The following FBRS variants were observed in gnomAD, a reference collection of about 807,000 sequenced individuals.
The protein encoded by FBRS is probable fibrosin-1.
A neutral mutation model predicts 86.1 loss-of-function variants in FBRS; 15 were observed. The ratio of observed to expected loss-of-function variants is 0.17; its 90% CI spans 0.12 to 0.27. The LOEUF (loss-of-function observed/expected upper bound fraction) is 0.27, where lower values mean the gene tolerates loss of function less well. Ranked by LOEUF, FBRS falls within the 10% of genes least tolerant of loss-of-function variation. The probability of loss-of-function intolerance (pLI) is 1.00; values close to 1 mark genes in which losing one functional copy is unlikely to be tolerated. For missense variants in FBRS, 1,367 were observed against 1,301.6 expected (o/e 1.05, Z -0.77); for synonymous variants, 666 against 575.8 (o/e 1.16, Z -2.24).
At chr16:30,664,650 T>C in intron 7 of FBRS, 65 bp from the exon 8 acceptor site, 1 of 1,451,778 alleles carries the variant, frequency 6.9e-7, no homozygotes, top group Non-Finnish European at 9.1e-7. Flanking sequence ...GGGAAGGCAG[T>C]CACCTGGGCC....
chr16:30,661,268 C>T (rs987751577), intron 3 of FBRS, 36 bp from the exon 4 acceptor site: 11 of 1,550,744 alleles, frequency 7.1e-6, no homozygotes, highest in Non-Finnish European at 8.7e-6. Flanking sequence ...TGGGCCTCTT[C>T]CCTCTCGTGA....
Position 30,664,775 on chromosome 16 carries a change from A to G in FBRS, c.1418A>G (p.Glu473Gly), listed in dbSNP as rs1479687498. The G allele has an allele frequency of 6.4e-7, 1 of 1,552,646 alleles. No homozygotes were observed. Among genetic ancestry groups the G allele is most frequent in the Non-Finnish European group, 8.7e-7 (1 of 1,147,634 alleles). ...SRYLNAQGGP[E>G]VVGAGGSARP... ...TACCTGAATGCCCAGGGTGGCCCTG[A>G]GGTGGTGGGGGCAGGGGGCTCGGCC... Residue 473 changes from glutamate to glycine, a missense_variant, in exon 8 of 18, where the codon GAG (glutamate) becomes GGG (glycine). By Grantham distance (98) the Glu-to-Gly change is moderately conservative. Around this residue, in one of 3 missense-constraint regions of FBRS, gnomAD observed 702 missense variants for 598.7 expected, o/e 1.17. Transcript: ENST00000356166.
Position 30,665,338 on chromosome 16 carries a change from G to T in FBRS, c.1641G>T (p.Gly547=), listed in dbSNP as rs1318485507. 2.6e-6 allele frequency: 4 copies of T among 1,566,178 alleles called. No homozygotes were observed. The highest frequency in any genetic ancestry group is 3.5e-6 in the Non-Finnish European group (4 of 1,156,464). ...CGGCCTTCCCTCCCGCAGTGCCCGG[G>T]CTGCCTCCGGGCCTCCCGCCGGCCG... The part of the protein sequence containing the change: ...PYTAFPPAVP[G]LPPGLPPAVS... The change falls in exon 10 of 18, where the codon GGG becomes GGT. Residue 547 remains glycine (G), a synonymous_variant. Transcript: ENST00000356166. The surrounding 1 kb of genome is among the most constrained non-coding windows in gnomAD (Gnocchi z 4.1).
At chr16:30,664,169 C>G in intron 6 of FBRS, 46 bp from the exon 7 acceptor site, 2 of 1,290,906 alleles carry the variant, frequency 1.5e-6, no homozygotes, top group East Asian at 6.2e-5. Flanking sequence ...CCCGTCAGAG[C>G]TGGCACCTCC....
At position 30,658,686 on chromosome 16, in the gene FBRS, G is replaced by T. The variant is rs2052414527; in HGVS notation, c.-833G>T. The T allele has an allele frequency of 1.3e-5, 2 of 152,326 alleles. No individual in the cohort carries two copies. Among genetic ancestry groups the T allele is most frequent in the Non-Finnish European group, 2.9e-5 (2 of 68,110 alleles). 9.4% of individuals were successfully genotyped at this position (152,326 alleles called of 1,614,324 possible). A position where few individuals can be genotyped will look rare whatever the true frequency, so the allele number is the denominator to read the frequency against. ...TCACATCCGGGGCTTTGGAGGGCTG[G>T]CCTCGCTGCCCCGCCCCGCCTCGCG... On this transcript the variant is annotated 5_prime_UTR_variant, in exon 1 of 18. Transcript: ENST00000356166.
chr16:30,660,497 TTTCA>T, intron 2 of FBRS, 55 bp downstream of exon 2: 1 of 1,256,084 alleles, frequency 8.0e-7, no homozygotes. Flanking sequence ...CAGCCCCGTT[TTTCA>T]TCAGCAACGC....
chr16:30,662,971 A>C, intron 6 of FBRS, 112 bp downstream of exon 6: 3 of 1,322,458 alleles, frequency 2.3e-6, no homozygotes, highest in Non-Finnish European at 2.9e-6. Flanking sequence ...TGAGACTGAA[A>C]AGTTTGAGAA....
chr16:30,670,225 A>G lies in FBRS; in HGVS notation c.*580A>G, dbSNP rs184273077. The G allele has an allele frequency of 3.6e-3, 1,632 of 457,712 alleles. 10 individuals carry two copies. Among genetic ancestry groups the G allele is most frequent in the African/African-American group, 0.018 (913 of 50,122 alleles). 28.4% of individuals were successfully genotyped at this position (457,712 alleles called of 1,614,324 possible). On this transcript the variant is annotated 3_prime_UTR_variant, in exon 18 of 18. Transcript: ENST00000356166. ...CCTAGCCTCTGGCCTCTCTGTGGGG[A>G]AAGGGGACTGCAGGGGGAAGAGCCG... is the stretch of plus-strand genomic sequence containing the variant.
At chr16:30,660,776 A>T (rs67128646) in intron 2 of FBRS, among the ~76,000 whole-genome samples, 1 of 151,944 alleles carries the variant, frequency 6.6e-6, no homozygotes, top group African/African-American at 2.4e-5. Flanking sequence ...GCAAGCAAAC[A>T]CCTAGACCTT....
chr16:30,660,612 C>T, intron 2 of FBRS, 170 bp downstream of exon 2: 2 of 1,095,976 alleles, frequency 1.8e-6, no homozygotes, highest in Non-Finnish European at 2.4e-6. Context: ...GGCCTGTCTA[C>T]AGTCAGGTGC....
rs2052416315 is a variant in FBRS, at chr16:30,658,810, C to T, written c.-709C>T. 1 of 152,090 alleles carries T rather than the reference C, an allele frequency of 6.6e-6. No individual in the cohort carries two copies. Among genetic ancestry groups the T allele is most frequent in the South Asian group, 2.1e-4 (1 of 4,828 alleles). 9.4% of individuals were successfully genotyped at this position (152,090 alleles called of 1,614,324 possible). A position where few individuals can be genotyped will look rare whatever the true frequency, so the allele number is the denominator to read the frequency against. On this transcript the variant is annotated 5_prime_UTR_variant, in exon 1 of 18. Transcript: ENST00000356166. ...GGTGGCCACTGAACTCGGCGGACTGCAACGCCAGCCTTAAAGGGGAAGCCG... is the reference window on the plus strand; with the variant it reads ...GGTGGCCACTGAACTCGGCGGACTGTAACGCCAGCCTTAAAGGGGAAGCCG...
chr16:30,668,156 T>G, intron 15 of FBRS: 1 of 211,260 alleles, frequency 4.7e-6, no homozygotes, highest in South Asian at 1.4e-4. Context: ...GCCAACAAGG[T>G]CTTCAGGCTT....
chr16:30,661,437 A>G, intron 4 of FBRS, 104 bp downstream of exon 4: 1 of 1,524,640 alleles, frequency 6.6e-7, no homozygotes, highest in Non-Finnish European at 8.9e-7. Flanking sequence ...TGAGTGAGAA[A>G]CATGGCTTAG....
At chr16:30,667,689 C>A in intron 15 of FBRS, 67 bp downstream of exon 15, 1 of 1,365,314 alleles carries the variant, frequency 7.3e-7, no homozygotes, top group Non-Finnish European at 9.8e-7. Context: ...GGAAATCAGA[C>A]CCAGCAGGCA....
chr16:30,666,011 G>A (rs548214266), intron 11 of FBRS: 18 of 426,814 alleles, frequency 4.2e-5, no homozygotes, highest in East Asian at 1.3e-4. Context: ...AGCCCTGTTC[G>A]GAAAACAAAA....
rs999358916 is a variant in FBRS at position 30,659,875 on chromosome 16, C to T, written c.357C>T (p.Asp119=). Residue 119 remains aspartate (D), a synonymous_variant, in exon 1 of 18, where the codon GAC becomes GAT. Coordinates refer to ENST00000356166, the MANE Select transcript of FBRS (RefSeq NM_001105079.3). ...EEEEEEEGGA[D]DGEAEEEPEE... ...AGGAGGAGGAGGAGGGGGGCGCAGA[C>T]GACGGCGAAGCCGAGGAGGAGCCTG... 6 of 1,544,742 alleles carry T rather than the reference C, an allele frequency of 3.9e-6. No individual in the cohort carries two copies. In the Admixed American group the frequency reaches 1.2e-4, roughly 30 times the overall value.
At chr16:30,660,610 T>C (rs2052447860) in intron 2 of FBRS, 168 bp downstream of exon 2, 1 of 1,123,776 alleles carries the variant, frequency 8.9e-7, no homozygotes, top group African/African-American at 1.6e-5. Context: ...AAGGCCTGTC[T>C]ACAGTCAGGT....
Position 30,660,660 on chromosome 16 carries a change from T to C in FBRS, c.639+218T>C, listed in dbSNP as rs1596612959. 9.4e-6 allele frequency: 7 copies of C among 745,320 alleles called. No individual in the cohort carries two copies. In the African/African-American group the frequency reaches 1.3e-4, roughly 14 times the overall value. 46.2% of individuals were successfully genotyped at this position (745,320 alleles called of 1,614,324 possible). ...CTGGTTCTGTGTCTACTTCAAACGT[T>C]TTGATAATTCAGAGAGGCGTCAAAG... is the stretch of plus-strand genomic sequence containing the variant. On this transcript the variant is annotated intron_variant, in intron 2 of 17. Transcript: ENST00000356166.
chr16:30,664,080 G>C, intron 6 of FBRS, 135 bp from the exon 7 acceptor site: 1 of 1,087,678 alleles, frequency 9.2e-7, no homozygotes, highest in Non-Finnish European at 1.2e-6. Flanking sequence ...CTCGGTGGGG[G>C]GCGGTCCTGG....
Sources: gnomAD v4.1 joint callset for allele counts (sites outside exome capture counted in the v4.1 genomes callset) on GRCh38, gnomAD v4.1.1 for gene constraint, gnomAD v4.1.1 regional missense constraint, Gnocchi (gnomAD v3.1) non-coding constraint, MANE v1.5 for transcripts, NCBI Gene and HGNC (gene_info 2026-07-23, HGNC 2026-07-21) for gene names.